FAM117A: variants seen among roughly 807,000 people sequenced by gnomAD.
The protein encoded by FAM117A is family with sequence similarity 117 member A.
A neutral mutation model predicts 44.1 loss-of-function variants in FAM117A; 21 were observed. The observed-to-expected ratio is 0.48, with a 90% CI of 0.34 to 0.69. FAM117A has a LOEUF of 0.69. Ranked by LOEUF, FAM117A falls within the 30% of genes least tolerant of loss-of-function variation. The pLI, the probability that FAM117A is intolerant of heterozygous loss-of-function variation, is 0.01. For missense variants in FAM117A, 498 were observed against 589.9 expected, an observed-to-expected ratio of 0.84 and a Z score of 1.61; for synonymous variants, 220 against 238.3, an observed-to-expected ratio of 0.92 and a Z score of 0.71.
intron 1 of FAM117A, among the ~76,000 whole-genome samples, chr17:49,757,240 G>A (rs1220175318): frequency 6.6e-6 from 1 of 152,124 alleles, no homozygotes; most frequent in Non-Finnish European, 1.5e-5. Context: ...CCACAAACCT[G>A]TATGCCTGAG....
intron 7 of FAM117A, among the ~76,000 whole-genome samples, chr17:49,713,495 G>A (rs1287629920): frequency 6.6e-6 from 1 of 152,054 alleles, no homozygotes; most frequent in Non-Finnish European, 1.5e-5. Context: ...TCAGTATACA[G>A]ACTGATAAAT....
chr17:49,782,964 G>T (rs765818731), intron 1 of FAM117A, among the ~76,000 whole-genome samples: 1 of 152,154 alleles, frequency 6.6e-6, no homozygotes, highest in Non-Finnish European at 1.5e-5. Context: ...ATGTATAAAT[G>T]AAAATGCCTG....
chr17:49,744,989 G>A (rs2073648996), intron 1 of FAM117A, among the ~76,000 whole-genome samples: 2 of 142,968 alleles, frequency 1.4e-5, no homozygotes, highest in South Asian at 4.6e-4. Flanking sequence ...ACTCCAGCCT[G>A]GGAGACAGAG....
At chr17:49,772,842 G>A (rs142705172) in intron 1 of FAM117A, among the ~76,000 whole-genome samples, 1 of 152,282 alleles carries the variant, frequency 6.6e-6, no homozygotes, top group East Asian at 1.9e-4. Flanking sequence ...TTTAGACCCA[G>A]GGCATAGGCC....
chr17:49,773,032 G>C (rs1222361716), intron 1 of FAM117A, among the ~76,000 whole-genome samples: 1 of 152,032 alleles, frequency 6.6e-6, no homozygotes, highest in African/African-American at 2.4e-5. Context: ...TTGGCCGGGC[G>C]TGGTGGCTCA....
At chr17:49,771,636 C>CT (rs1409440988) in intron 1 of FAM117A, among the ~76,000 whole-genome samples, 2 of 152,344 alleles carry the variant, frequency 1.3e-5, no homozygotes, top group African/African-American at 4.8e-5. Context: ...TCTAGTTCCA[C>CT]TGTGTCAAGT....
In FAM117A at chr17:49,761,478, T is replaced by C. The variant is rs558425847; in HGVS notation, c.196+2414A>G. Among the ~76,000 whole-genome samples, 9 of 152,358 alleles carry C rather than the reference T, an allele frequency of 5.9e-5. No homozygotes were observed. In the South Asian group the frequency reaches 1.9e-3, roughly 32 times the overall value. On this transcript the variant is annotated intron_variant, in intron 1 of 7. Coordinates refer to ENST00000240364, the MANE Select transcript of FAM117A (RefSeq NM_030802.4). ...TGCCAGGCACGTTTTAAGCACTTTC[T>C]ATCTATTAACTCATTTAATTCTTAT...
intron 5 of FAM117A, among the ~76,000 whole-genome samples, chr17:49,719,175 T>G (rs1272367601): frequency 2.6e-5 from 4 of 151,724 alleles, no homozygotes; most frequent in Admixed American, 1.3e-4. Context: ...GGCAGAGAAC[T>G]GCTTGAACCC....
At chr17:49,769,902 C>G (rs1278505189) in intron 1 of FAM117A, among the ~76,000 whole-genome samples, 1 of 152,088 alleles carries the variant, frequency 6.6e-6, no homozygotes, top group Non-Finnish European at 1.5e-5. Context: ...AGAGGCCATT[C>G]AGCAAATCAG....
intron 1 of FAM117A, among the ~76,000 whole-genome samples, chr17:49,771,121 C>T (rs111320175): frequency 3.9e-5 from 6 of 152,138 alleles, no homozygotes; most frequent in African/African-American, 1.2e-4. Flanking sequence ...GCAGAAGAAT[C>T]GTTTGAACCT....
upstream of FAM117A, among the ~76,000 whole-genome samples, chr17:49,767,668 G>T (rs1025584132): frequency 6.6e-6 from 1 of 152,208 alleles, no homozygotes; most frequent in African/African-American, 2.4e-5. Flanking sequence ...ACTTTAGGAG[G>T]CCGAGGTGGG....
intron 1 of FAM117A, among the ~76,000 whole-genome samples, chr17:49,734,816 C>G (rs936072063): frequency 1.3e-5 from 2 of 152,246 alleles, no homozygotes; most frequent in Admixed American, 1.3e-4. Flanking sequence ...TAAACAAATG[C>G]AGCACATCCA....
At chr17:49,766,225 T>C (rs1331271451), upstream of FAM117A, among the ~76,000 whole-genome samples, 2 of 152,218 alleles carry the variant, frequency 1.3e-5, no homozygotes, top group African/African-American at 2.4e-5. Flanking sequence ...CTGATCTCTA[T>C]GAGTGTAAAA....
At position 49,764,093 on chromosome 17, in the gene FAM117A, T is replaced by C; in HGVS notation, c.-6A>G. 8.1e-7 allele frequency: 1 copy of C among 1,229,846 alleles called. No homozygotes were observed. Among genetic ancestry groups the C allele is most frequent in the Non-Finnish European group, 1.0e-6 (1 of 977,404 alleles). 76.2% of individuals were successfully genotyped at this position (1,229,846 alleles called of 1,614,324 possible). On this transcript the variant is annotated 5_prime_UTR_variant, in exon 1 of 8. Transcript: ENST00000240364. ...CCCGCTGCGGCCCCCGCCATGGCTC[T>C]CCCGGCTGCCTGCCTCAGCCCCACT...
chr17:49,782,429 C>T lies in FAM117A; in HGVS notation c.-621+6068G>A, dbSNP rs534559621. ...TTTGTGCCAGGCATGGTGGCTTATG[C>T]CTGTAATCCGAGCATTTTGGGAGGC... is the stretch of plus-strand genomic sequence containing the variant. On this transcript the variant is annotated intron_variant, in intron 1 of 7. Transcript: ENST00000513602. Among the ~76,000 whole-genome samples the T allele has an allele frequency of 4.8e-5, 7 of 146,050 alleles. No individual in the cohort carries two copies. In the South Asian group the frequency reaches 1.5e-3, roughly 32 times the overall value.
chr17:49,765,220 T>C (rs1168153675), upstream of FAM117A, among the ~76,000 whole-genome samples: 1 of 152,234 alleles, frequency 6.6e-6, no homozygotes, highest in East Asian at 1.9e-4. Flanking sequence ...TTGTTCTACA[T>C]ATGGAAAAAG....
chr17:49,711,427 A>G lies in FAM117A; in HGVS notation c.1190T>C (p.Ile397Thr), dbSNP rs116274372. Reference protein sequence around the residue: ...MKPLFPGMGFIFRNCPSNPGS... With the variant: ...MKPLFPGMGFTFRNCPSNPGS... ...CGGGTTTGAGGGGCAGTTACGGAAG[A>G]TGAAGCCCATGCCGGGGAAGAGGGG... The change falls in exon 8 of 8, where the codon ATC becomes ACC. Residue 397 changes from isoleucine (I) to threonine (T), a missense_variant. Physicochemically the swap from Ile to Thr is moderately conservative, Grantham distance 89. Coordinates refer to ENST00000240364, the MANE Select transcript of FAM117A (RefSeq NM_030802.4). 1.1e-5 allele frequency: 18 copies of G among 1,613,842 alleles called. No homozygotes were observed. In the African/African-American group the frequency reaches 1.7e-4, roughly 16 times the overall value.
chr17:49,746,370 C>T lies in FAM117A; in HGVS notation c.197-13650G>A, dbSNP rs189650569. On this transcript the variant is annotated intron_variant, in intron 1 of 7. Coordinates refer to ENST00000240364, the MANE Select transcript of FAM117A (RefSeq NM_030802.4). ...AATCACTCCTCAGAAAGGACCTAAACCCTTTAGCATTTCAACATTGGCAGG... is the reference window on the plus strand; with the variant it reads ...AATCACTCCTCAGAAAGGACCTAAATCCTTTAGCATTTCAACATTGGCAGG... Among the ~76,000 whole-genome samples, 10 of 152,288 alleles carry T rather than the reference C, an allele frequency of 6.6e-5. No homozygotes were observed. In the East Asian group the frequency reaches 1.9e-3, roughly 29 times the overall value.
At chr17:49,764,982 T>C (rs1165014026), upstream of FAM117A, among the ~76,000 whole-genome samples, 1 of 152,158 alleles carries the variant, frequency 6.6e-6, no homozygotes, top group Non-Finnish European at 1.5e-5. Context: ...TTGCCCAAGT[T>C]TGCACCGCGA....
Sources: gnomAD v4.1 joint callset for allele counts (sites outside exome capture counted in the v4.1 genomes callset) on GRCh38, gnomAD v4.1.1 for gene constraint, MANE v1.5 for transcripts, NCBI Gene and HGNC (gene_info 2026-07-23, HGNC 2026-07-21) for gene names.